Variants in FAM13A observed in about 807,000 individuals in gnomAD.
FAM13A encodes family with sequence similarity 13 member A, also known as protein FAM13A.
In FAM13A, 76 loss-of-function variants were observed where a neutral mutation model predicts 129.6. The observed-to-expected ratio is 0.59, with a 90% CI of 0.49 to 0.71. The LOEUF (loss-of-function observed/expected upper bound fraction) is 0.71. FAM13A is among the 30% of genes least tolerant of loss of function. The pLI, the probability that FAM13A is intolerant of heterozygous loss-of-function variation, is 0.00. For synonymous variants in FAM13A, 443 were observed against 449.9 expected, an observed-to-expected ratio of 0.98 and a Z score of 0.20; for missense variants, 1,108 against 1,249.3, an observed-to-expected ratio of 0.89 and a Z score of 1.70.
At chr4:88,823,213 G>C in intron 7 of FAM13A, 2 of 1,416,016 alleles carry the variant, frequency 1.4e-6, no homozygotes, top group Admixed American at 3.1e-5. Context: ...CTATTTTATC[G>C]GCTGCTTCTC....
intron 4 of FAM13A, among the ~76,000 whole-genome samples, chr4:88,940,506 T>C (rs1754573019): frequency 1.3e-5 from 2 of 152,148 alleles, no homozygotes; most frequent in South Asian, 4.1e-4. Flanking sequence ...AGAAAGACAT[T>C]GGGAGAACTT....
At chr4:88,771,918 C>CA (rs1194806631) in intron 11 of FAM13A, among the ~76,000 whole-genome samples, 1 of 152,130 alleles carries the variant, frequency 6.6e-6, no homozygotes, top group Non-Finnish European at 1.5e-5. Context: ...TCTAAAAGAG[C>CA]AAAAGCCTTG....
Position 88,953,024 on chromosome 4 carries a change from T to G in FAM13A, c.606-14783A>C, listed in dbSNP as rs1757185449. Among the ~76,000 whole-genome samples the G allele has an allele frequency of 3.3e-5, 5 of 152,192 alleles. No homozygotes were observed. The South Asian group carries it at 1.0e-3, about 31-fold the overall frequency. Reference sequence around the variant, plus strand: ...TCTTTGCCTTTGTAAATAAATATTTTACAGCATCACTGAGATACAATTAAC... The same window carrying G: ...TCTTTGCCTTTGTAAATAAATATTTGACAGCATCACTGAGATACAATTAAC... On this transcript the variant is annotated intron_variant, in intron 4 of 23. Coordinates refer to ENST00000264344, the MANE Select transcript of FAM13A (RefSeq NM_014883.4).
At chr4:88,904,455 A>G (rs1747809370) in intron 6 of FAM13A, among the ~76,000 whole-genome samples, 1 of 152,184 alleles carries the variant, frequency 6.6e-6, no homozygotes, top group Admixed American at 6.5e-5. Flanking sequence ...GAATGAGATC[A>G]TGTCCTTTCT....
At chr4:88,910,150 C>T (rs1009507621) in intron 5 of FAM13A, among the ~76,000 whole-genome samples, 9 of 152,062 alleles carry the variant, frequency 5.9e-5, no homozygotes, top group African/African-American at 9.7e-5. Flanking sequence ...CACTGGAGAA[C>T]GAAGTGTCAA....
chr4:88,886,724 T>C (rs1299026447), intron 6 of FAM13A, among the ~76,000 whole-genome samples: 1 of 152,018 alleles, frequency 6.6e-6, no homozygotes, highest in Non-Finnish European at 1.5e-5. Flanking sequence ...CTGGCCAACA[T>C]GGTGAAACCC....
intron 5 of FAM13A, among the ~76,000 whole-genome samples, chr4:88,934,017 T>A (rs1403543175): frequency 6.6e-6 from 1 of 152,132 alleles, no homozygotes; most frequent in Non-Finnish European, 1.5e-5. Flanking sequence ...TCTCAACTGC[T>A]CATCAGACCA....
intron 5 of FAM13A, among the ~76,000 whole-genome samples, chr4:88,913,473 G>A (rs1039506715): frequency 1.3e-5 from 2 of 148,204 alleles, no homozygotes; most frequent in African/African-American, 2.5e-5. Flanking sequence ...AGAGGAGGAG[G>A]AGGAAGAGGA....
At chr4:88,974,255 C>T (rs1458896218) in intron 4 of FAM13A, among the ~76,000 whole-genome samples, 1 of 152,068 alleles carries the variant, frequency 6.6e-6, no homozygotes, top group Non-Finnish European at 1.5e-5. Context: ...TCTACCCTTC[C>T]TTGCTGGTTT....
intron 5 of FAM13A, chr4:88,937,065 T>C (rs1015638140): frequency 1.3e-5 from 2 of 152,200 alleles, no homozygotes; most frequent in Non-Finnish European, 1.5e-5. Flanking sequence ...TTTTTTCAGC[T>C]ACCGTGTTAT....
At chr4:88,834,693 T>C (rs1029931669) in intron 7 of FAM13A, among the ~76,000 whole-genome samples, 1 of 152,210 alleles carries the variant, frequency 6.6e-6, no homozygotes, top group Non-Finnish European at 1.5e-5. Context: ...AAAAACAGCC[T>C]AGTGAAATAA....
At chr4:88,761,440 A>G (rs1415553930) in intron 13 of FAM13A, among the ~76,000 whole-genome samples, 2 of 152,212 alleles carry the variant, frequency 1.3e-5, no homozygotes, top group Non-Finnish European at 1.5e-5. Flanking sequence ...GCATTATGAA[A>G]AAATATTAGT....
chr4:88,932,738 T>C (rs538992736), intron 5 of FAM13A, among the ~76,000 whole-genome samples: 1 of 152,252 alleles, frequency 6.6e-6, no homozygotes, highest in Non-Finnish European at 1.5e-5. Flanking sequence ...GAAAGTCAAA[T>C]ACACAAAAAA....
chr4:88,956,079 C>T (rs776971584), intron 4 of FAM13A, among the ~76,000 whole-genome samples: 1 of 152,086 alleles, frequency 6.6e-6, no homozygotes, highest in Non-Finnish European at 1.5e-5. Flanking sequence ...TTTAGTATAG[C>T]CTAAGTGTAC....
intron 1 of FAM13A, 49 bp downstream of exon 1, chr4:89,056,889 C>G: frequency 6.3e-7 from 1 of 1,575,790 alleles, no homozygotes; most frequent in South Asian, 1.2e-5. Flanking sequence ...AAGGCCCTCT[C>G]CTAAAAACTG....
chr4:88,976,668 G>GTACAGTGTTTATAAAGTT (rs147022152), intron 4 of FAM13A, among the ~76,000 whole-genome samples: 103,669 of 150,236 alleles, frequency 0.69, 35,902 homozygotes, highest in Middle Eastern at 0.79. Flanking sequence ...TAGCCTAAGT[G>GTACAGTGTTTATAAAGTT]TACAGTAGTG....
At chr4:89,008,115 T>C (rs1234887300) in intron 3 of FAM13A, among the ~76,000 whole-genome samples, 2 of 151,966 alleles carry the variant, frequency 1.3e-5, no homozygotes, top group Non-Finnish European at 2.9e-5. Flanking sequence ...CCAGAGACTA[T>C]CTAATTAACA....
At chr4:88,862,177 G>A (rs985174122) in intron 6 of FAM13A, among the ~76,000 whole-genome samples, 1 of 152,184 alleles carries the variant, frequency 6.6e-6, no homozygotes, top group Non-Finnish European at 1.5e-5. Context: ...ATATACATAT[G>A]AGCTATGATA....
chr4:88,728,636 G>A lies in FAM13A; in HGVS notation c.2969C>T (p.Thr990Ile), dbSNP rs1192181587. 2 of 1,614,034 alleles carry A rather than the reference G, an allele frequency of 1.2e-6. No homozygotes were observed. Among genetic ancestry groups the A allele is most frequent in the East Asian group, 4.5e-5 (2 of 44,900 alleles). Residue 990 changes from threonine to isoleucine, a missense_variant, in exon 24 of 24, where the codon ACT becomes ATT. By Grantham distance (89) the Thr-to-Ile change is moderately conservative. Around this residue, in one of 3 missense-constraint regions of FAM13A, gnomAD observed 529 missense variants for 621.2 expected, o/e 0.85. Coordinates refer to ENST00000264344, the MANE Select transcript of FAM13A (RefSeq NM_014883.4). ...TTCACTGTATTCTTCAGCCATAGGA[G>A]TGCGGTCTTCCTTCTGGACATTTCT... The part of the protein sequence containing the change: ...NGRNVQKEDR[T>I]PMAEEYSEYK...
Sources: allele counts gnomAD v4.1 joint callset (sites outside exome capture counted in the v4.1 genomes callset), GRCh38; gene constraint gnomAD v4.1.1; regional missense constraint gnomAD v4.1.1; transcripts MANE v1.5; gene names NCBI Gene and HGNC (gene_info 2026-07-23, HGNC 2026-07-21).